The following SH3KBP1 variants were observed in gnomAD, a reference collection of about 807,000 sequenced individuals.
SH3KBP1 encodes the protein SH3 domain containing kinase binding protein 1, also known as SH3 domain-containing kinase-binding protein 1.
A neutral mutation model predicts 50.1 loss-of-function variants in SH3KBP1; 8 were observed. The observed-to-expected ratio is 0.16, with a 90% CI of 0.09 to 0.29. The LOEUF is 0.29. Ranked by LOEUF, SH3KBP1 falls within the 10% of genes least tolerant of loss-of-function variation. The pLI, the probability that SH3KBP1 is intolerant of heterozygous loss-of-function variation, is 1.00. For synonymous variants in SH3KBP1, 227 were observed against 218.6 expected (o/e 1.04, Z -0.34); for missense variants, 377 against 535.2 (o/e 0.70, Z 2.92).
chrX:19,570,365 G>A (rs180969841), intron 12 of SH3KBP1, among the ~76,000 whole-genome samples: 88 of 112,172 alleles, frequency 7.8e-4, no homozygotes, highest in Non-Finnish European at 1.2e-3. Context: ...ATATTCCTAA[G>A]AGGTGTGACT....
intron 13 of SH3KBP1, among the ~76,000 whole-genome samples, chrX:19,554,006 TA>T (rs2065347035): frequency 1.8e-5 from 1 of 56,735 alleles, no homozygotes; most frequent in African/African-American, 9.8e-5. Flanking sequence ...TATTAAAATA[TA>T]ATATATAATA....
At chrX:19,662,305 G>A (rs980489354) in intron 6 of SH3KBP1, among the ~76,000 whole-genome samples, 3 of 111,756 alleles carry the variant, frequency 2.7e-5, no homozygotes, top group African/African-American at 9.8e-5. Flanking sequence ...TGTATCAAAG[G>A]TTTTCAACCT....
intron 3 of SH3KBP1, among the ~76,000 whole-genome samples, chrX:19,712,623 T>G (rs1281731633): frequency 1.8e-5 from 2 of 111,470 alleles, no homozygotes; most frequent in Non-Finnish European, 3.8e-5. Context: ...CGAAAGCTTG[T>G]TGGGGATTAA....
intron 13 of SH3KBP1, among the ~76,000 whole-genome samples, chrX:19,561,237 C>G (rs2065669667): frequency 9.1e-6 from 1 of 110,445 alleles, no homozygotes; most frequent in Admixed American, 9.7e-5. Context: ...GCCTAGTATG[C>G]TTTTTACTAC....
chrX:19,692,855 GT>G (rs2063332429), intron 5 of SH3KBP1, among the ~76,000 whole-genome samples: 1 of 107,067 alleles, frequency 9.3e-6, no homozygotes, highest in African/African-American at 3.4e-5. Context: ...GCTAATTTTT[GT>G]TTTTTTGTTT....
chrX:19,776,068 C>A (rs1250068377), intron 2 of SH3KBP1, among the ~76,000 whole-genome samples: 1 of 111,244 alleles, frequency 9.0e-6, no homozygotes, highest in Non-Finnish European at 1.9e-5. Context: ...CAGAGTGTGC[C>A]AAGAATTCAT....
chrX:19,786,401 T>C (rs1003508659), intron 2 of SH3KBP1, among the ~76,000 whole-genome samples: 1 of 111,877 alleles, frequency 8.9e-6, no homozygotes. Context: ...AGCCCCTCTA[T>C]TGAGTGCTAT....
In SH3KBP1 at chrX:19,812,840, T is replaced by C. The variant is rs190929800; in HGVS notation, c.162+23285A>G. Among the ~76,000 whole-genome samples, 3 of 110,526 alleles carry C rather than the reference T, an allele frequency of 2.7e-5. No individual in the cohort carries two copies. In the East Asian group the frequency reaches 8.5e-4, roughly 31 times the overall value. On this transcript the variant is annotated intron_variant, in intron 2 of 17. Transcript: ENST00000397821. ...CAATACAAAAATTAGCCAGGTGTGT[T>C]AGTGCACGCCTGTAGTCCCAGATAC...
At chrX:19,881,703 G>T in intron 1 of SH3KBP1, among the ~76,000 whole-genome samples, 2 of 111,675 alleles carry the variant, frequency 1.8e-5, no homozygotes, top group East Asian at 5.6e-4. Context: ...ACCTGAATTG[G>T]CAAAGTGGCT....
At chrX:19,798,484 T>G (rs2066789414) in intron 2 of SH3KBP1, among the ~76,000 whole-genome samples, 1 of 111,447 alleles carries the variant, frequency 9.0e-6, no homozygotes, top group Admixed American at 9.5e-5. Flanking sequence ...GTCTTTTGAA[T>G]TATCACTCTC....
intron 12 of SH3KBP1, among the ~76,000 whole-genome samples, chrX:19,571,405 G>A (rs2066003466): frequency 8.9e-6 from 1 of 111,861 alleles, no homozygotes; most frequent in Non-Finnish European, 1.9e-5. Context: ...ACCCAAGCTT[G>A]GGCCCCACCA....
intron 4 of SH3KBP1, among the ~76,000 whole-genome samples, chrX:19,705,459 T>A (rs2063633550): frequency 8.9e-6 from 1 of 112,141 alleles, no homozygotes; most frequent in Non-Finnish European, 1.9e-5. Context: ...ACCACCGAAA[T>A]AAATGTTCTC....
At chrX:19,643,300 A>ATTTTTTTTTTTTTTTTTTTTTTTT (rs201544483) in intron 7 of SH3KBP1, among the ~76,000 whole-genome samples, 1 of 86,908 alleles carries the variant, frequency 1.2e-5, no homozygotes, top group African/African-American at 5.7e-5. Flanking sequence ...AAACTGAAGA[A>ATTTTTTTTTTTTTTTTTTTTTTTT]TTTTTTATTT....
At chrX:19,872,227 G>A (rs781373003) in intron 1 of SH3KBP1, among the ~76,000 whole-genome samples, 1 of 80,152 alleles carries the variant, frequency 1.2e-5, no homozygotes, top group South Asian at 8.7e-4. Flanking sequence ...ACTCCAGCCT[G>A]GACAACAAGA....
At chrX:19,854,239 C>G (rs993585072) in intron 1 of SH3KBP1, among the ~76,000 whole-genome samples, 3 of 110,607 alleles carry the variant, frequency 2.7e-5, no homozygotes, top group Non-Finnish European at 5.7e-5. Context: ...CCTCAGCCTC[C>G]TGAGTAGCTG....
chrX:19,580,568 A>C (rs2147914713), intron 12 of SH3KBP1, among the ~76,000 whole-genome samples: 1 of 112,031 alleles, frequency 8.9e-6, no homozygotes, highest in Non-Finnish European at 1.9e-5. Context: ...CAGCAGCAGC[A>C]GCACTGGGAG....
intron 7 of SH3KBP1, among the ~76,000 whole-genome samples, chrX:19,632,910 T>C (rs977984595): frequency 3.6e-5 from 4 of 112,018 alleles, no homozygotes; most frequent in Non-Finnish European, 7.5e-5. Flanking sequence ...TCAACAAACC[T>C]AATGGCTGTG....
intron 3 of SH3KBP1, among the ~76,000 whole-genome samples, chrX:19,723,264 C>T (rs73461608): frequency 0.024 from 2,657 of 111,673 alleles, 80 homozygotes; most frequent in African/African-American, 0.082. Flanking sequence ...TGCATAATGT[C>T]CACTGCTACA....
intron 2 of SH3KBP1, among the ~76,000 whole-genome samples, chrX:19,778,204 G>A (rs967016347): frequency 6.3e-5 from 7 of 110,986 alleles, no homozygotes; most frequent in African/African-American, 2.3e-4. Flanking sequence ...AGGCCAAGGC[G>A]GGTGGATCAC....
Sources: gnomAD v4.1 joint callset for allele counts (sites outside exome capture counted in the v4.1 genomes callset) on GRCh38, gnomAD v4.1.1 for gene constraint, MANE v1.5 for transcripts, NCBI Gene and HGNC (gene_info 2026-07-23, HGNC 2026-07-21) for gene names.